Variants in EYS observed in about 807,000 individuals in gnomAD.
EYS encodes the protein protein eyes shut homolog.
Under a neutral mutation model 282.1 loss-of-function variants are expected in EYS, and 250 were observed. The ratio of observed to expected loss-of-function variants is 0.89; its 90% CI spans 0.80 to 0.98. The LOEUF (loss-of-function observed/expected upper bound fraction) is 0.98, where lower values mean the gene tolerates loss of function less well. EYS is among the 50% of genes least tolerant of loss of function. The probability of loss-of-function intolerance (pLI) is 0.00; values close to 1 mark genes in which losing one functional copy is unlikely to be tolerated. For missense variants in EYS, 4,016 were observed against 3,709.0 expected, an observed-to-expected ratio of 1.08 and a Z score of -2.15; for synonymous variants, 1,355 against 1,282.9, an observed-to-expected ratio of 1.06 and a Z score of -1.20.
chr6:64,815,207 T>C (rs1388380515), intron 21 of EYS: 5 of 454,064 alleles, frequency 1.1e-5, no homozygotes, highest in Admixed American at 9.6e-5. Context: ...CCTTTGATAT[T>C]TGTTCCACTT....
At chr6:63,762,770 A>C in intron 40 of EYS, 137 bp from the exon 41 acceptor site, 1 of 815,578 alleles carries the variant, frequency 1.2e-6, no homozygotes, top group Non-Finnish European at 1.9e-6. Context: ...CAAACCCTAA[A>C]TTGTCAAAGG....
intron 22 of EYS, among the ~76,000 whole-genome samples, chr6:64,808,842 C>T (rs923667226): frequency 6.6e-6 from 1 of 151,938 alleles, no homozygotes; most frequent in African/African-American, 2.4e-5. Context: ...AAAATGTTTT[C>T]ATGAGAAAAA....
chr6:65,595,205 A>T (rs2149786891), intron 2 of EYS, among the ~76,000 whole-genome samples: 1 of 152,252 alleles, frequency 6.6e-6, no homozygotes, highest in Non-Finnish European at 1.5e-5. Flanking sequence ...CATTCTCAGC[A>T]AACTATCGCA....
chr6:65,209,751 G>A (rs676887), intron 12 of EYS, among the ~76,000 whole-genome samples: 3,692 of 151,946 alleles, frequency 0.024, 135 homozygotes, highest in African/African-American at 0.085. Flanking sequence ...AGGGAGCATT[G>A]TACATACTAT....
At chr6:64,169,102 C>T (rs552159609) in intron 31 of EYS, among the ~76,000 whole-genome samples, 1 of 152,256 alleles carries the variant, frequency 6.6e-6, no homozygotes, top group African/African-American at 2.4e-5. Flanking sequence ...TTGTGAGCTC[C>T]ATAACAGTAA....
intron 29 of EYS, among the ~76,000 whole-genome samples, chr6:64,370,081 A>G (rs1383552745): frequency 6.6e-6 from 1 of 152,054 alleles, no homozygotes; most frequent in Non-Finnish European, 1.5e-5. Flanking sequence ...AGGAGTGGTG[A>G]GAGAGGGCAT....
At chr6:65,435,289 G>A (rs1030885813) in intron 5 of EYS, among the ~76,000 whole-genome samples, 2 of 151,910 alleles carry the variant, frequency 1.3e-5, no homozygotes, top group Non-Finnish European at 2.9e-5. Flanking sequence ...AAGCCTTTAT[G>A]AGACTTAAAG....
At chr6:65,086,230 T>C (rs190308337) in intron 12 of EYS, among the ~76,000 whole-genome samples, 20 of 152,114 alleles carry the variant, frequency 1.3e-4, no homozygotes, top group Non-Finnish European at 1.9e-4. Flanking sequence ...GCAGGAGAAT[T>C]GCTGGAACCC....
intron 22 of EYS, among the ~76,000 whole-genome samples, chr6:64,780,556 T>C (rs924350720): frequency 2.0e-5 from 3 of 152,100 alleles, no homozygotes; most frequent in African/African-American, 7.2e-5. Flanking sequence ...TGAACAATTA[T>C]CTGTTGGGTA....
intron 19 of EYS, among the ~76,000 whole-genome samples, chr6:64,840,444 C>A (rs781232574): frequency 1.3e-5 from 2 of 152,110 alleles, no homozygotes; most frequent in Non-Finnish European, 2.9e-5. Flanking sequence ...TTCTTCTCTA[C>A]ATTTGAATTA....
At chr6:65,409,400 C>T (rs1465484244) in intron 5 of EYS, among the ~76,000 whole-genome samples, 1 of 152,168 alleles carries the variant, frequency 6.6e-6, no homozygotes, top group Non-Finnish European at 1.5e-5. Context: ...AATGTGCTGT[C>T]ATTAGGCACA....
chr6:63,856,686 ATCTTT>A (rs565506034), intron 36 of EYS, among the ~76,000 whole-genome samples: 41 of 152,324 alleles, frequency 2.7e-4, no homozygotes, highest in Middle Eastern at 6.8e-3. Context: ...TATATAAAAT[ATCTTT>A]TCTTATTATT....
intron 12 of EYS, among the ~76,000 whole-genome samples, chr6:65,255,058 C>T (rs186181962): frequency 6.6e-6 from 1 of 151,494 alleles, no homozygotes; most frequent in Non-Finnish European, 1.5e-5. Flanking sequence ...CACAAAAGAC[C>T]CAGAATAGCC....
At position 65,153,672 on chromosome 6, in the gene EYS, C is replaced by G. The variant is rs1460711482; in HGVS notation, c.2024-95945G>C. On this transcript the variant is annotated intron_variant, in intron 12 of 42. Transcript: ENST00000503581. ...TCTGTATTCTCTTGTTAACTGCATA[C>G]TGACAAGTGACAAGGGTGATCATCA... Among the ~76,000 whole-genome samples, 17 of 151,656 alleles carry G rather than the reference C, an allele frequency of 1.1e-4. No homozygotes were observed. The Admixed American group carries it at 1.1e-3, about 10-fold the overall frequency.
intron 22 of EYS, among the ~76,000 whole-genome samples, chr6:64,696,656 T>A (rs1214688199): frequency 6.6e-6 from 1 of 152,114 alleles, no homozygotes; most frequent in East Asian, 1.9e-4. Context: ...AACAGCAGAC[T>A]CTTCAGCAGA....
intron 35 of EYS, among the ~76,000 whole-genome samples, chr6:63,872,477 G>GAT (rs1772833852): frequency 8.4e-6 from 1 of 119,398 alleles, no homozygotes; most frequent in East Asian, 2.5e-4. Context: ...CCTAAATATG[G>GAT]TTTTTTTTTT....
chr6:64,958,835 CATA>C (rs201800292), intron 14 of EYS, among the ~76,000 whole-genome samples: 1,836 of 138,840 alleles, frequency 0.013, 40 homozygotes, highest in African/African-American at 0.046. Context: ...ATTTCATAAA[CATA>C]ATAATTTCTT....
At chr6:64,557,246 ACACAC>A (rs1445457057) in intron 26 of EYS, among the ~76,000 whole-genome samples, 7 of 115,124 alleles carry the variant, frequency 6.1e-5, no homozygotes, top group African/African-American at 2.4e-4. Flanking sequence ...ACACACACAC[ACACAC>A]ATTTTATTAA....
At chr6:64,534,115 A>G (rs895320037) in intron 26 of EYS, among the ~76,000 whole-genome samples, 1 of 151,810 alleles carries the variant, frequency 6.6e-6, no homozygotes, top group African/African-American at 2.4e-5. Flanking sequence ...ATTGTCAAAA[A>G]TCATCAAACC....
Sources: gnomAD v4.1 joint callset for allele counts (sites outside exome capture counted in the v4.1 genomes callset) on GRCh38, gnomAD v4.1.1 for gene constraint, MANE v1.5 for transcripts, NCBI Gene and HGNC (gene_info 2026-07-23, HGNC 2026-07-21) for gene names.